The following CPED1 variants were observed in gnomAD, a reference collection of about 807,000 sequenced individuals.
CPED1 encodes cadherin like and PC-esterase domain containing 1, also known as cadherin-like and PC-esterase domain-containing protein 1.
CPED1 carries 114 observed loss-of-function variants against 128.2 expected under a neutral mutation model. That is an observed-to-expected ratio of 0.89 (90% CI 0.76 to 1.04). The LOEUF (loss-of-function observed/expected upper bound fraction) is 1.04, where lower values mean the gene tolerates loss of function less well. CPED1 is among the 50% of genes least tolerant of loss of function. The pLI is 0.00. For missense variants in CPED1, 1,211 were observed against 1,207.1 expected (o/e 1.00, Z -0.05); for synonymous variants, 462 against 426.7 (o/e 1.08, Z -1.02).
At chr7:121,072,912 A>T (rs1011564294) in intron 5 of CPED1, among the ~76,000 whole-genome samples, 2 of 152,174 alleles carry the variant, frequency 1.3e-5, no homozygotes, top group African/African-American at 2.4e-5. Context: ...TAATTGGCTA[A>T]GATAGATTTA....
In CPED1 at chr7:121,015,700, TGGCCGAAGGGCCA is replaced by T; in HGVS notation, c.286_298del (p.Gly96TyrfsTer20). 1 of 1,602,850 alleles carries T rather than the reference TGGCCGAAGGGCCA, an allele frequency of 6.2e-7. No individual in the cohort carries two copies. Among genetic ancestry groups the T allele is most frequent in the Non-Finnish European group, 8.5e-7 (1 of 1,176,638 alleles). On this transcript the variant is annotated frameshift_variant, in exon 3 of 23. Coordinates refer to ENST00000310396, the MANE Select transcript of CPED1 (RefSeq NM_024913.5). LOFTEE classifies it high-confidence loss of function. Reference sequence around the variant, plus strand: ...CAATGGAGACACACTTTGGCAGCCATGGCCGAAGGGCCATACTCTACAGGCCTCCTTTCTACAG... The same window carrying T: ...CAATGGAGACACACTTTGGCAGCCATTACTCTACAGGCCTCCTTTCTACAG...
chr7:121,071,118 A>G (rs1236597519), intron 5 of CPED1, among the ~76,000 whole-genome samples: 1 of 152,164 alleles, frequency 6.6e-6, no homozygotes, highest in Non-Finnish European at 1.5e-5. Context: ...GACTTTAACA[A>G]AAGCCATTTG....
intron 16 of CPED1, among the ~76,000 whole-genome samples, chr7:121,202,669 G>T (rs1401870064): frequency 6.6e-6 from 1 of 152,128 alleles, no homozygotes. Flanking sequence ...ATGGAAACTT[G>T]AGGACAGAGA....
intron 16 of CPED1, among the ~76,000 whole-genome samples, chr7:121,231,246 A>G (rs1377514812): frequency 6.6e-6 from 1 of 152,124 alleles, no homozygotes; most frequent in Non-Finnish European, 1.5e-5. Context: ...TGAAAAATAC[A>G]AGTGAAAGAA....
chr7:121,142,166 T>C, intron 16 of CPED1, 25 bp downstream of exon 16: 1 of 1,565,352 alleles, frequency 6.4e-7, no homozygotes, highest in Non-Finnish European at 8.7e-7. Flanking sequence ...CATTTGCACT[T>C]GGGTTGAATT....
chr7:121,175,261 G>T (rs1796748185), intron 16 of CPED1, among the ~76,000 whole-genome samples: 1 of 152,076 alleles, frequency 6.6e-6, no homozygotes, highest in Admixed American at 6.6e-5. Flanking sequence ...AGGTTGAATA[G>T]AAGTAGTGAG....
intron 22 of CPED1, among the ~76,000 whole-genome samples, chr7:121,278,076 G>A (rs1160137848): frequency 1.3e-5 from 2 of 152,034 alleles, no homozygotes; most frequent in South Asian, 2.1e-4. Flanking sequence ...GTAAAATGTC[G>A]GGGCAAGAAT....
intron 16 of CPED1, among the ~76,000 whole-genome samples, chr7:121,195,357 C>A (rs1406083418): frequency 6.6e-6 from 1 of 152,066 alleles, no homozygotes; most frequent in African/African-American, 2.4e-5. Flanking sequence ...TTTTAAATCA[C>A]CTTTCATTAT....
At chr7:121,155,631 G>A (rs1268288322) in intron 16 of CPED1, among the ~76,000 whole-genome samples, 4 of 152,146 alleles carry the variant, frequency 2.6e-5, no homozygotes, top group African/African-American at 9.7e-5. Flanking sequence ...TTCAATAAAT[G>A]GTGCTGGGAA....
chr7:121,139,524 C>T (rs562465575), intron 14 of CPED1, among the ~76,000 whole-genome samples: 11 of 151,800 alleles, frequency 7.2e-5, no homozygotes, highest in Non-Finnish European at 1.2e-4. Flanking sequence ...TGCACCTCCA[C>T]GTCCATCAAA....
intron 2 of CPED1, among the ~76,000 whole-genome samples, chr7:120,997,555 C>T (rs1796427669): frequency 1.3e-5 from 2 of 152,142 alleles, no homozygotes; most frequent in South Asian, 2.1e-4. Flanking sequence ...ATAGGGTTAT[C>T]GCAGATATAA....
chr7:121,279,135 G>A (rs1313809955), intron 22 of CPED1, among the ~76,000 whole-genome samples: 1 of 151,976 alleles, frequency 6.6e-6, no homozygotes, highest in Non-Finnish European at 1.5e-5. Flanking sequence ...CCACCTTATG[G>A]GTTCTCAGAT....
At chr7:121,158,634 G>A (rs1299514965) in intron 16 of CPED1, among the ~76,000 whole-genome samples, 1 of 151,158 alleles carries the variant, frequency 6.6e-6, no homozygotes, top group Non-Finnish European at 1.5e-5. Context: ...AATAGATACT[G>A]TGTATCATGA....
chr7:121,139,066 A>G lies in CPED1; in HGVS notation c.1700-1761A>G, dbSNP rs141936731. On this transcript the variant is annotated intron_variant, in intron 14 of 22. Coordinates refer to ENST00000310396, the MANE Select transcript of CPED1 (RefSeq NM_024913.5). Reference sequence around the variant, plus strand: ...TCTAATAAAAACAATTTCTGCCTTCATTCTTTTTTCTTTTTTATTATAAGA... The same window carrying G: ...TCTAATAAAAACAATTTCTGCCTTCGTTCTTTTTTCTTTTTTATTATAAGA... Among the ~76,000 whole-genome samples, 1,014 of 152,146 alleles carry G rather than the reference A, an allele frequency of 6.7e-3. 9 individuals carry two copies. Among genetic ancestry groups the G allele is most frequent in the African/African-American group, 0.023 (941 of 41,538 alleles).
intron 7 of CPED1, among the ~76,000 whole-genome samples, chr7:121,119,175 T>G (rs1795322586): frequency 6.6e-6 from 1 of 151,958 alleles, no homozygotes; most frequent in African/African-American, 2.4e-5. Flanking sequence ...TCACTGAAAT[T>G]CTAAAGTTTA....
At chr7:121,206,331 T>C (rs1371961288) in intron 16 of CPED1, among the ~76,000 whole-genome samples, 1 of 152,010 alleles carries the variant, frequency 6.6e-6, no homozygotes, top group Non-Finnish European at 1.5e-5. Flanking sequence ...AATATTAATA[T>C]CACAAAAAGT....
At chr7:121,267,873 G>A (rs1792162391) in intron 21 of CPED1, among the ~76,000 whole-genome samples, 1 of 152,020 alleles carries the variant, frequency 6.6e-6, no homozygotes, top group Non-Finnish European at 1.5e-5. Context: ...AAAGGAAGCT[G>A]TCCATTTAAT....
At chr7:121,072,876 A>G (rs532553571) in intron 5 of CPED1, among the ~76,000 whole-genome samples, 2 of 152,300 alleles carry the variant, frequency 1.3e-5, no homozygotes, top group Admixed American at 1.3e-4. Context: ...CATTGACTCA[A>G]GAGTATCTTC....
chr7:121,099,804 A>T, intron 6 of CPED1, 122 bp from the exon 7 acceptor site: 1 of 981,364 alleles, frequency 1.0e-6, no homozygotes, highest in Non-Finnish European at 1.5e-6. Context: ...AAGGAAACCC[A>T]CACACTGAGG....
Sources: allele counts gnomAD v4.1 joint callset (sites outside exome capture counted in the v4.1 genomes callset), GRCh38; gene constraint gnomAD v4.1.1; transcripts MANE v1.5; gene names NCBI Gene and HGNC (gene_info 2026-07-23, HGNC 2026-07-21).